The following ZBTB38 variants were observed in gnomAD, a reference collection of about 807,000 sequenced individuals.
The protein encoded by ZBTB38 is zinc finger and BTB domain containing 38, also known as zinc finger and BTB domain-containing protein 38.
A neutral mutation model predicts 76.8 loss-of-function variants in ZBTB38; 20 were observed. That is an observed-to-expected ratio of 0.26 (90% confidence interval 0.18 to 0.38). ZBTB38 has a LOEUF of 0.38. Among genes scored for constraint, ZBTB38 ranks in the 10% least tolerant of loss-of-function variants. The pLI is 1.00. For synonymous variants in ZBTB38, 504 were observed against 544.2 expected, an observed-to-expected ratio of 0.93 and a Z score of 1.03; for missense variants, 1,082 against 1,482.3, an observed-to-expected ratio of 0.73 and a Z score of 4.43.
At chr3:141,363,513 C>A (rs1170667113), upstream of ZBTB38, among the ~76,000 whole-genome samples, 2 of 152,066 alleles carry the variant, frequency 1.3e-5, no homozygotes, top group Admixed American at 1.3e-4. Flanking sequence ...CTATAGTAAT[C>A]AAAACAGTGT....
chr3:141,330,907 C>T (rs891800308), intron 1 of ZBTB38, among the ~76,000 whole-genome samples: 2 of 152,174 alleles, frequency 1.3e-5, no homozygotes, highest in Non-Finnish European at 2.9e-5. Context: ...CAGATGTGAC[C>T]CCTCAACCTG....
intron 1 of ZBTB38, among the ~76,000 whole-genome samples, chr3:141,336,191 G>A (rs533327751): frequency 6.6e-6 from 1 of 152,216 alleles, no homozygotes; most frequent in African/African-American, 2.4e-5. Context: ...TGGTCGATGG[G>A]ACGTTTGTCT....
chr3:141,422,394 G>A (rs542456314), intron 5 of ZBTB38, among the ~76,000 whole-genome samples: 50 of 152,162 alleles, frequency 3.3e-4, no homozygotes, highest in Admixed American at 7.2e-4. Context: ...ACCTTACTGC[G>A]TTTAAAAGGC....
At chr3:141,382,725 G>A (rs148004617) in intron 3 of ZBTB38, among the ~76,000 whole-genome samples, 1,964 of 151,990 alleles carry the variant, frequency 0.013, 27 homozygotes, top group Admixed American at 0.04. Flanking sequence ...CCACCTGCTG[G>A]GCCCAGCCTG....
At chr3:141,399,053 C>G (rs539044637) in intron 4 of ZBTB38, among the ~76,000 whole-genome samples, 66 of 151,406 alleles carry the variant, frequency 4.4e-4, no homozygotes, top group African/African-American at 1.4e-3. Context: ...TGGTGCTGTT[C>G]TGTGTGTTTC....
intron 2 of ZBTB38, among the ~76,000 whole-genome samples, chr3:141,374,860 G>C (rs917633202): frequency 2.0e-5 from 3 of 152,052 alleles, no homozygotes; most frequent in South Asian, 2.1e-4. Flanking sequence ...ATGCATATTG[G>C]TGAATTGGCC....
chr3:141,398,108 C>A (rs569927507), intron 4 of ZBTB38, among the ~76,000 whole-genome samples: 1 of 152,278 alleles, frequency 6.6e-6, no homozygotes, highest in East Asian at 1.9e-4. Flanking sequence ...AATGTATAAA[C>A]TATTCTTAGC....
At chr3:141,396,980 G>T (rs990630353) in intron 4 of ZBTB38, among the ~76,000 whole-genome samples, 1 of 152,172 alleles carries the variant, frequency 6.6e-6, no homozygotes, top group Admixed American at 6.5e-5. Flanking sequence ...ATGGGCACTG[G>T]CTTCAACTTA....
chr3:141,447,766 A>G lies in ZBTB38; in HGVS notation c.*1790A>G, dbSNP rs557328183. 6.6e-6 allele frequency: 1 copy of G among 152,424 alleles called. No homozygotes were observed. The allele number at this position is 152,424 out of a possible 1,614,324, so 9.4% of individuals were successfully genotyped here. ...TAGTATGGATTTGGGTGGGTAAGAAAGCATTTAAACGCCCAGGAAAGGACA... is the reference window on the plus strand; with the variant it reads ...TAGTATGGATTTGGGTGGGTAAGAAGGCATTTAAACGCCCAGGAAAGGACA... On this transcript the variant is annotated 3_prime_UTR_variant, in exon 6 of 6. Transcript: ENST00000321464.
chr3:141,330,793 G>A (rs985099452), intron 1 of ZBTB38, among the ~76,000 whole-genome samples: 4 of 152,162 alleles, frequency 2.6e-5, no homozygotes, highest in Non-Finnish European at 5.9e-5. Context: ...ATCACAGGAG[G>A]GGAACTGGTG....
chr3:141,410,126 G>A (rs1956150230), intron 5 of ZBTB38, among the ~76,000 whole-genome samples: 1 of 152,188 alleles, frequency 6.6e-6, no homozygotes, highest in Non-Finnish European at 1.5e-5. Flanking sequence ...GAGGTGCTGG[G>A]ACAAGCAGGG....
In ZBTB38 at chr3:141,382,461, G is replaced by T. The variant is rs371451379; in HGVS notation, c.-172+974G>T. ...TTGGGCAAATCGTTGTATCTCTCTC[G>T]GCCTGTTTGGTCACCTGTGAGAGGG... On this transcript the variant is annotated intron_variant, in intron 3 of 5. Transcript: ENST00000321464. Among the ~76,000 whole-genome samples, 420 of 152,010 alleles carry T rather than the reference G, an allele frequency of 2.8e-3. 3 individuals carry two copies. Among genetic ancestry groups the T allele is most frequent in the African/African-American group, 9.8e-3 (407 of 41,480 alleles).
intron 2 of ZBTB38, 128 bp downstream of exon 2, chr3:141,370,074 T>C (rs934438704): frequency 6.6e-6 from 1 of 152,260 alleles, no homozygotes; most frequent in Non-Finnish European, 1.5e-5. Flanking sequence ...ATTACAGCTA[T>C]ATTAAAAAGG....
intron 5 of ZBTB38, among the ~76,000 whole-genome samples, chr3:141,416,980 G>A (rs78287466): frequency 0.016 from 2,430 of 152,254 alleles, 42 homozygotes; most frequent in East Asian, 0.068. Context: ...CCAAGTTTGA[G>A]GTAATTTGTT....
chr3:141,343,822 G>A (rs373755788), intron 1 of ZBTB38, among the ~76,000 whole-genome samples: 12 of 152,264 alleles, frequency 7.9e-5, no homozygotes, highest in African/African-American at 2.2e-4. Flanking sequence ...GCTCAGATTC[G>A]TGTTGTTTTC....
chr3:141,431,355 T>TATATATATA (rs1362541027), intron 5 of ZBTB38, among the ~76,000 whole-genome samples: 1 of 137,872 alleles, frequency 7.3e-6, no homozygotes, highest in Non-Finnish European at 1.5e-5. Flanking sequence ...TATATATATA[T>TATATATATA]TTGGGGGGGA....
At chr3:141,356,577 A>G (rs145040139) in intron 1 of ZBTB38, among the ~76,000 whole-genome samples, 2 of 152,268 alleles carry the variant, frequency 1.3e-5, no homozygotes. Context: ...AAACACATTG[A>G]CACAACCAAA....
intron 1 of ZBTB38, among the ~76,000 whole-genome samples, chr3:141,340,941 AGAAAGAAG>A (rs1387258095): frequency 1.1e-5 from 1 of 90,742 alleles, no homozygotes; most frequent in Non-Finnish European, 2.2e-5. Context: ...AGAAAAGAAA[AGAAAGAAG>A]GAAAGAAAGA....
chr3:141,358,399 A>G (rs1406787592), intron 1 of ZBTB38, among the ~76,000 whole-genome samples: 2 of 152,242 alleles, frequency 1.3e-5, no homozygotes, highest in African/African-American at 2.4e-5. Context: ...ATTGTCTGCC[A>G]TATAGGGAAG....
Sources: gnomAD v4.1 joint callset for allele counts (sites outside exome capture counted in the v4.1 genomes callset) on GRCh38, gnomAD v4.1.1 for gene constraint, MANE v1.5 for transcripts, NCBI Gene and HGNC (gene_info 2026-07-23, HGNC 2026-07-21) for gene names.